Variants in STAU2 observed in about 807,000 individuals in gnomAD.
STAU2 encodes staufen double-stranded RNA binding protein 2, also known as double-stranded RNA-binding protein Staufen homolog 2.
A neutral mutation model predicts 65.9 loss-of-function variants in STAU2; 20 were observed. That is an observed-to-expected ratio of 0.30 (90% CI 0.21 to 0.44). The LOEUF (loss-of-function observed/expected upper bound fraction) is 0.44, where lower values mean the gene tolerates loss of function less well. Ranked by LOEUF, STAU2 falls within the 20% of genes least tolerant of loss-of-function variation. The probability of loss-of-function intolerance (pLI) is 1.00; values close to 1 mark genes in which losing one functional copy is unlikely to be tolerated. For synonymous variants in STAU2, 232 were observed against 233.9 expected (o/e 0.99, Z 0.07); for missense variants, 558 against 683.9 (o/e 0.82, Z 2.05).
At chr8:73,602,411 T>C (rs987309616) in intron 10 of STAU2, among the ~76,000 whole-genome samples, 64 of 152,160 alleles carry the variant, frequency 4.2e-4, no homozygotes, top group African/African-American at 1.5e-3. Context: ...AACCAATTAT[T>C]TAAAAAACAG....
intron 13 of STAU2, among the ~76,000 whole-genome samples, chr8:73,489,687 A>G (rs1469372358): frequency 6.6e-6 from 1 of 152,084 alleles, no homozygotes; most frequent in African/African-American, 2.4e-5. Context: ...CATTTGCTCT[A>G]AAGCAGCTTA....
At chr8:73,527,369 T>C (rs942158587) in intron 13 of STAU2, 4 of 212,272 alleles carry the variant, frequency 1.9e-5, no homozygotes, top group African/African-American at 6.7e-5. Flanking sequence ...TCCAGTGTTA[T>C]CTATATTGTT....
intron 6 of STAU2, among the ~76,000 whole-genome samples, chr8:73,646,524 GC>G (rs1815385060): frequency 6.6e-6 from 1 of 152,048 alleles, no homozygotes; most frequent in South Asian, 2.1e-4. Flanking sequence ...ATAACCACAG[GC>G]AAAAAACCGA....
At chr8:73,679,599 A>C (rs1222580419) in intron 5 of STAU2, among the ~76,000 whole-genome samples, 1 of 152,114 alleles carries the variant, frequency 6.6e-6, no homozygotes, top group African/African-American at 2.4e-5. Context: ...TAGAAGAAGC[A>C]GGCCAGGAAT....
chr8:73,640,447 G>T (rs1371997584), intron 6 of STAU2, among the ~76,000 whole-genome samples: 1 of 152,014 alleles, frequency 6.6e-6, no homozygotes, highest in Non-Finnish European at 1.5e-5. Flanking sequence ...GTCCACAAAC[G>T]TTCTGAAAAG....
intron 6 of STAU2, among the ~76,000 whole-genome samples, chr8:73,654,663 A>AAAAAAAAAAAAAACACAAAAAATC (rs1280392351): frequency 7.4e-6 from 1 of 135,562 alleles, no homozygotes; most frequent in Non-Finnish European, 1.6e-5. Context: ...AAAAAAAAAG[A>AAAAAAAAAAAAAACACAAAAAATC]ACTCTTTTAA....
At chr8:73,500,933 TAACTAAACC>T (rs2128919917) in intron 13 of STAU2, among the ~76,000 whole-genome samples, 2 of 151,996 alleles carry the variant, frequency 1.3e-5, no homozygotes, top group African/African-American at 4.8e-5. Flanking sequence ...AATGATGCAT[TAACTAAACC>T]AAAGAGACAA....
intron 13 of STAU2, chr8:73,551,061 G>A (rs1585986649): frequency 3.3e-5 from 33 of 986,902 alleles, no homozygotes; most frequent in African/African-American, 5.2e-5. Flanking sequence ...TGAAATCTGA[G>A]GAAGCAATAC....
chr8:73,446,554 T>C (rs78521527), intron 13 of STAU2, among the ~76,000 whole-genome samples: 247 of 152,368 alleles, frequency 1.6e-3, no homozygotes, highest in African/African-American at 5.7e-3. Flanking sequence ...TCTGTGAATG[T>C]TTAATTATAT....
intron 6 of STAU2, chr8:73,669,099 A>C: frequency 1.4e-6 from 1 of 702,230 alleles, no homozygotes; most frequent in Non-Finnish European, 2.6e-6. Flanking sequence ...TAATCCATTC[A>C]AGTGTTGCCA....
intron 12 of STAU2, among the ~76,000 whole-genome samples, chr8:73,553,738 G>T (rs984952920): frequency 3.0e-4 from 45 of 151,438 alleles, no homozygotes; most frequent in African/African-American, 1.1e-3. Context: ...AATCCCTCTG[G>T]TAACTTTTTC....
intron 3 of STAU2, among the ~76,000 whole-genome samples, chr8:73,716,071 T>C (rs55639005): frequency 0.17 from 24,930 of 147,194 alleles, 2,535 homozygotes; most frequent in Non-Finnish European, 0.23. Flanking sequence ...TGCGCCACCA[T>C]GCCCAGCTAA....
intron 6 of STAU2, among the ~76,000 whole-genome samples, chr8:73,655,111 T>TA (rs1197527599): frequency 5.9e-5 from 9 of 152,364 alleles, no homozygotes; most frequent in Admixed American, 1.3e-4. Context: ...TCTATGGCAG[T>TA]AGTGTTCAAA....
chr8:73,684,472 A>C (rs1818653314), intron 5 of STAU2, among the ~76,000 whole-genome samples: 1 of 152,200 alleles, frequency 6.6e-6, no homozygotes, highest in Non-Finnish European at 1.5e-5. Context: ...AGATGGATCA[A>C]AGACTTAAAT....
intron 11 of STAU2, among the ~76,000 whole-genome samples, chr8:73,591,712 C>T (rs1810789162): frequency 6.6e-6 from 1 of 151,138 alleles, no homozygotes; most frequent in African/African-American, 2.4e-5. Flanking sequence ...ACTAATAAAA[C>T]TGTAAGAAGT....
chr8:73,671,397 CA>C (rs551679527), intron 6 of STAU2, among the ~76,000 whole-genome samples: 4 of 149,424 alleles, frequency 2.7e-5, no homozygotes, highest in Admixed American at 1.3e-4. Flanking sequence ...AACAAACAAA[CA>C]AAAAAAAACA....
chr8:73,441,945 C>A (rs1254372751), intron 13 of STAU2, among the ~76,000 whole-genome samples: 2 of 151,938 alleles, frequency 1.3e-5, no homozygotes, highest in Non-Finnish European at 2.9e-5. Context: ...TTTTTTTAAA[C>A]TAACACAAAT....
At chr8:73,612,029 T>C (rs1008031708) in intron 9 of STAU2, among the ~76,000 whole-genome samples, 1 of 152,190 alleles carries the variant, frequency 6.6e-6, no homozygotes, top group African/African-American at 2.4e-5. Flanking sequence ...TAAAACTTAG[T>C]TTAATAGAGC....
At position 73,487,977 on chromosome 8, in the gene STAU2, T is replaced by C. The variant is rs564905540; in HGVS notation, c.1530+64035A>G. On this transcript the variant is annotated intron_variant, in intron 13 of 14. Coordinates refer to ENST00000524300, the MANE Select transcript of STAU2 (RefSeq NM_001164380.2). ...ATATATTCTTTGGGAAAAAAATCTG[T>C]TTACCATGAACAAAAAAACATTTTG... Among the ~76,000 whole-genome samples the C allele has an allele frequency of 2.6e-5, 4 of 152,164 alleles. No individual in the cohort carries two copies. In the South Asian group the frequency reaches 8.3e-4, roughly 32 times the overall value.
Sources: gnomAD v4.1 joint callset for allele counts (sites outside exome capture counted in the v4.1 genomes callset) on GRCh38, gnomAD v4.1.1 for gene constraint, MANE v1.5 for transcripts, NCBI Gene and HGNC (gene_info 2026-07-23, HGNC 2026-07-21) for gene names.